Variants in TINCR observed in about 807,000 individuals in gnomAD.
TINCR encodes the protein TINCR ubiquitin domain containing, also known as TINCR-encoded ubiquitin-like protein.
chr19:5,566,844 G>C (rs906323994), intron 1 of TINCR, among the ~76,000 whole-genome samples: 1 of 151,802 alleles, frequency 6.6e-6, no homozygotes, highest in Non-Finnish European at 1.5e-5. Context: ...CCAAAATGGG[G>C]AGACAGAGAC....
chr19:5,559,242 G>A (rs1301671336), downstream of TINCR: 2 of 152,152 alleles, frequency 1.3e-5, no homozygotes, highest in East Asian at 1.9e-4. Flanking sequence ...GGTTGGGGAC[G>A]CCTCAGTTCA....
At position 5,567,780 on chromosome 19, in the gene TINCR, C is replaced by A. The variant is rs1362305821; in HGVS notation, c.145G>T (p.Val49Leu). ...TAGAAGGCGCGCTTCCAGGAGCTCA[C>A]GCCCTGGCCCACCAGCTGGGCGCGC... Residue 49 changes from valine to leucine, a missense_variant, in exon 1 of 2, where the codon GTG becomes TTG. Coordinates refer to ENST00000646160, the Ensembl canonical transcript of TINCR. The A allele has an allele frequency of 2.9e-4, 114 of 394,374 alleles. No homozygotes were observed. In the East Asian group the frequency reaches 4.0e-3, roughly 14 times the overall value. 24.4% of individuals were successfully genotyped at this position (394,374 alleles called of 1,614,324 possible).
intron 1 of TINCR, among the ~76,000 whole-genome samples, chr19:5,566,935 A>G (rs2052132852): frequency 2.6e-5 from 4 of 152,074 alleles, no homozygotes; most frequent in Admixed American, 2.6e-4. Context: ...AGAAGTGGGC[A>G]GAGACACAGA....
chr19:5,567,187 T>A, intron 1 of TINCR, among the ~76,000 whole-genome samples: 1 of 142,266 alleles, frequency 7.0e-6, no homozygotes, highest in East Asian at 2.1e-4. Context: ...AGATAAGAGA[T>A]GGAGATGAGA....
At chr19:5,562,072 A>T (rs1448434311), downstream of TINCR, 2 of 152,564 alleles carry the variant, frequency 1.3e-5, no homozygotes, top group African/African-American at 2.4e-5. This position sits in a 1 kb window ranked among gnomAD's most constrained non-coding sequence, Gnocchi z 4.4. Context: ...CAACTACTAC[A>T]ATTACTTACC....
rs11880534 is a variant in TINCR, at chr19:5,563,331, T to C, written c.261-382A>G. ...CAAGGGCAGGGGCTGCGGACCTTGG[T>C]GGGGGGCAACTGGGCTGGGCCAGGG... On this transcript the variant is annotated intron_variant, in intron 1 of 1. Transcript: ENST00000646160. This position sits in a 1 kb window ranked among gnomAD's most constrained non-coding sequence, Gnocchi z 4.7. Among the ~76,000 whole-genome samples, 22,745 of 151,026 alleles carry C rather than the reference T, an allele frequency of 0.15. 1,867 individuals are homozygous for C. The highest frequency in any genetic ancestry group is 0.22 in the Middle Eastern group (63 of 292).
downstream of TINCR, chr19:5,561,606 T>A (rs1186260687): frequency 6.6e-6 from 1 of 152,454 alleles, no homozygotes; most frequent in African/African-American, 2.4e-5. Context: ...GTTTTCTTTT[T>A]TCTTTCTTTT....
chr19:5,563,544 G>T lies in TINCR; in HGVS notation c.261-595C>A, dbSNP rs1325880989. 6.6e-6 allele frequency among the ~76,000 whole-genome samples: 1 copy of T among 152,188 alleles called. No homozygotes were observed. The highest frequency in any genetic ancestry group is 1.5e-5 in the Non-Finnish European group (1 of 68,032). On this transcript the variant is annotated intron_variant, in intron 1 of 1. Coordinates refer to ENST00000646160, the Ensembl canonical transcript of TINCR. This position sits in a 1 kb window ranked among gnomAD's most constrained non-coding sequence, Gnocchi z 4.7. ...TGATGAAGGGCGTGGCTTTAAAGCT[G>T]GGTTTAGACCCTGGCTCTGCCCCTT... is the stretch of plus-strand genomic sequence containing the variant.
intron 1 of TINCR, 31 bp downstream of exon 1, chr19:5,567,634 C>T (rs1168346178): frequency 8.7e-6 from 3 of 345,186 alleles, no homozygotes; most frequent in Non-Finnish European, 1.6e-5. Context: ...CCGCCGCCCC[C>T]GCCCCACCCC....
Position 5,565,715 on chromosome 19 carries a change from T to C in TINCR, c.260+1950A>G, listed in dbSNP as rs967288626. On this transcript the variant is annotated intron_variant, in intron 1 of 1. Transcript: ENST00000646160. The surrounding 1 kb of genome is among the most constrained non-coding windows in gnomAD (Gnocchi z 4.0). ...GGGGAGGGGGCCTCTCCTGCCCCCA[T>C]TGCAGCCCCAGACTCCTGCAACGGG... 3.3e-5 allele frequency among the ~76,000 whole-genome samples: 5 copies of C among 152,120 alleles called. No individual in the cohort carries two copies. The highest frequency in any genetic ancestry group is 1.9e-4 in the East Asian group (1 of 5,182).
chr19:5,566,261 C>T (rs1238684981), intron 1 of TINCR, among the ~76,000 whole-genome samples: 1 of 151,332 alleles, frequency 6.6e-6, no homozygotes, highest in Admixed American at 6.6e-5. Flanking sequence ...TGAGACACAG[C>T]GAGAAAAAGA....
chr19:5,563,573 A>G lies in TINCR; in HGVS notation c.261-624T>C, dbSNP rs1180007471. Among the ~76,000 whole-genome samples the G allele has an allele frequency of 6.6e-6, 1 of 152,150 alleles. No individual in the cohort carries two copies. The highest frequency in any genetic ancestry group is 2.4e-5 in the African/African-American group (1 of 41,412). On this transcript the variant is annotated intron_variant, in intron 1 of 1. Coordinates refer to ENST00000646160, the Ensembl canonical transcript of TINCR. The surrounding 1 kb of genome is among the most constrained non-coding windows in gnomAD (Gnocchi z 4.7). ...TTAGACCCTGGCTCTGCCCCTTCCC[A>G]GCTTAATCTTACTCTGCCTCAGCTT... is the stretch of plus-strand genomic sequence containing the variant.
Position 5,565,135 on chromosome 19 carries a change from C to T in TINCR, c.261-2186G>A, listed in dbSNP as rs2052121851. Among the ~76,000 whole-genome samples, 1 of 152,180 alleles carries T rather than the reference C, an allele frequency of 6.6e-6. No individual in the cohort carries two copies. The highest frequency in any genetic ancestry group is 2.1e-4 in the South Asian group (1 of 4,834). On this transcript the variant is annotated intron_variant, in intron 1 of 1. Coordinates refer to ENST00000646160, the Ensembl canonical transcript of TINCR. This position sits in a 1 kb window ranked among gnomAD's most constrained non-coding sequence, Gnocchi z 4.0. ...CTGCATGAACTGCCCTGGCCCCTCC[C>T]TGCCCTCCCTTCCTCCCTCTCTCCC...
Position 5,565,378 on chromosome 19 carries a change from C to T in TINCR, c.260+2287G>A, listed in dbSNP as rs1035188180. On this transcript the variant is annotated intron_variant, in intron 1 of 1. Coordinates refer to ENST00000646160, the Ensembl canonical transcript of TINCR. This position sits in a 1 kb window ranked among gnomAD's most constrained non-coding sequence, Gnocchi z 4.0. ...TCCACCTTCCCTGCATCCCCCACAGCGCCAATTGCGAGTTGACATTCTCCT... is the reference window on the plus strand; with the variant it reads ...TCCACCTTCCCTGCATCCCCCACAGTGCCAATTGCGAGTTGACATTCTCCT... Among the ~76,000 whole-genome samples the T allele has an allele frequency of 3.3e-5, 5 of 152,194 alleles. No homozygotes were observed. Among genetic ancestry groups the T allele is most frequent in the South Asian group, 2.1e-4 (1 of 4,832 alleles).
At chr19:5,564,524 G>T (rs2052118166) in intron 1 of TINCR, among the ~76,000 whole-genome samples, 1 of 152,172 alleles carries the variant, frequency 6.6e-6, no homozygotes, top group African/African-American at 2.4e-5. Context: ...GTCAGGGATG[G>T]GCAAGGGGCA....
In TINCR at chr19:5,565,109, C is replaced by T. The variant is rs969120687; in HGVS notation, c.261-2160G>A. On this transcript the variant is annotated intron_variant, in intron 1 of 1. Coordinates refer to ENST00000646160, the Ensembl canonical transcript of TINCR. This position sits in a 1 kb window ranked among gnomAD's most constrained non-coding sequence, Gnocchi z 4.0. Reference sequence around the variant, plus strand: ...AAGTCCTCCCTGCAGTCCGCAAGGCCCTGCATGAACTGCCCTGGCCCCTCC... The same window carrying T: ...AAGTCCTCCCTGCAGTCCGCAAGGCTCTGCATGAACTGCCCTGGCCCCTCC... 1.1e-4 allele frequency among the ~76,000 whole-genome samples: 17 copies of T among 152,166 alleles called. No individual in the cohort carries two copies. The highest frequency in any genetic ancestry group is 3.6e-4 in the African/African-American group (15 of 41,454).
chr19:5,564,042 G>A (rs1388522238), intron 1 of TINCR, among the ~76,000 whole-genome samples: 12 of 152,170 alleles, frequency 7.9e-5, no homozygotes, highest in Admixed American at 5.9e-4. Context: ...GCTAGCTCCC[G>A]TGACAACCTG....
intron 1 of TINCR, among the ~76,000 whole-genome samples, chr19:5,564,075 C>T (rs1012174111): frequency 7.2e-5 from 11 of 152,090 alleles, no homozygotes; most frequent in Non-Finnish European, 1.0e-4. Context: ...GCTGCTGCCT[C>T]GAGGCAGAAA....
At position 5,563,275 on chromosome 19, in the gene TINCR, C is replaced by G. The variant is rs1414385356; in HGVS notation, c.261-326G>C. On this transcript the variant is annotated intron_variant, in intron 1 of 1. Coordinates refer to ENST00000646160, the Ensembl canonical transcript of TINCR. The surrounding 1 kb of genome is among the most constrained non-coding windows in gnomAD (Gnocchi z 4.7). Reference sequence around the variant, plus strand: ...AGGGGCTCACAGGCGCCCTCTGGCACCTGCTACGGGGAGGACAGACTTGTA... The same window carrying G: ...AGGGGCTCACAGGCGCCCTCTGGCAGCTGCTACGGGGAGGACAGACTTGTA... 6.6e-6 allele frequency among the ~76,000 whole-genome samples: 1 copy of G among 151,952 alleles called. No homozygotes were observed. Among genetic ancestry groups the G allele is most frequent in the Admixed American group, 6.6e-5 (1 of 15,244 alleles).
Sources: allele counts gnomAD v4.1 joint callset (sites outside exome capture counted in the v4.1 genomes callset), GRCh38; gene constraint gnomAD v4.1.1; non-coding constraint Gnocchi (gnomAD v3.1); transcripts MANE v1.5; gene names NCBI Gene and HGNC (gene_info 2026-07-23, HGNC 2026-07-21).